The following DPP10 variants were observed in gnomAD, a reference collection of about 807,000 sequenced individuals.
DPP10 encodes the protein dipeptidyl peptidase like 10.
In DPP10, 33 loss-of-function variants were observed where a neutral mutation model predicts 120.9. The observed-to-expected ratio is 0.27, with a 90% CI of 0.21 to 0.37. DPP10 has a LOEUF of 0.37. DPP10 is among the 10% of genes least tolerant of loss of function. DPP10 has a pLI of 1.00. For synonymous variants in DPP10, 337 were observed against 326.1 expected (o/e 1.03, Z -0.36); for missense variants, 816 against 942.8 (o/e 0.87, Z 1.76).
At chr2:115,829,478 A>C (rs1029093769) in intron 21 of DPP10, among the ~76,000 whole-genome samples, 6 of 152,076 alleles carry the variant, frequency 3.9e-5, no homozygotes, top group African/African-American at 1.4e-4. Flanking sequence ...CTCTCTTTGA[A>C]AATATTCTTG....
At chr2:115,728,453 A>AC (rs2092820135) in intron 8 of DPP10, among the ~76,000 whole-genome samples, 1 of 152,166 alleles carries the variant, frequency 6.6e-6, no homozygotes, top group Admixed American at 6.5e-5. Flanking sequence ...AGCTGAGAAT[A>AC]TAAAAATAAA....
intron 3 of DPP10, among the ~76,000 whole-genome samples, chr2:115,490,390 C>A (rs2076040202): frequency 6.7e-6 from 1 of 149,744 alleles, no homozygotes; most frequent in Non-Finnish European, 1.5e-5. Context: ...GGGGAAACCA[C>A]CCCCATGATT....
chr2:115,680,834 G>T lies in DPP10; in HGVS notation c.442-8853G>T, dbSNP rs76829879. ...AAAGTTATAATCTGTCATATAAAAA[G>T]AGCTTTTAGAGATCAATAAGAAAAA... On this transcript the variant is annotated intron_variant, in intron 5 of 25. Transcript: ENST00000410059. Among the ~76,000 whole-genome samples, 182 of 151,834 alleles carry T rather than the reference G, an allele frequency of 1.2e-3. 2 individuals are homozygous for T. In the East Asian group the frequency reaches 0.033, roughly 27 times the overall value.
intron 3 of DPP10, chr2:115,469,066 C>T (rs987482733): frequency 5.6e-6 from 1 of 179,880 alleles, no homozygotes. Context: ...GCTGGGATTA[C>T]AGGCGTGCAC....
intron 1 of DPP10, among the ~76,000 whole-genome samples, chr2:115,246,610 G>A (rs763836463): frequency 4.6e-5 from 7 of 152,080 alleles, no homozygotes; most frequent in African/African-American, 1.2e-4. Flanking sequence ...AAACAGATGA[G>A]CAGTGTGTCA....
At chr2:114,462,238 T>G in intron 1 of DPP10, 1 of 709,746 alleles carries the variant, frequency 1.4e-6, no homozygotes, top group Non-Finnish European at 1.7e-6. Flanking sequence ...TATACCACCC[T>G]ATTGCTAATA....
intron 1 of DPP10, among the ~76,000 whole-genome samples, chr2:114,756,124 T>G (rs1679721579): frequency 6.6e-6 from 1 of 152,168 alleles, no homozygotes. Context: ...GAAATTAGTG[T>G]GAAGACTAAA....
chr2:115,163,991 G>A lies in DPP10; in HGVS notation c.61-145248G>A, dbSNP rs1406500224. Among the ~76,000 whole-genome samples, 6 of 152,202 alleles carry A rather than the reference G, an allele frequency of 3.9e-5. No individual in the cohort carries two copies. The South Asian group carries it at 1.0e-3, about 26-fold the overall frequency. ...GCTCGAATCCATTTTTCTTGTTAGT[G>A]TGCATTTTTTAATAGCCACTTCAAA... is the stretch of plus-strand genomic sequence containing the variant. On this transcript the variant is annotated intron_variant, in intron 1 of 25. Transcript: ENST00000410059.
intron 7 of DPP10, among the ~76,000 whole-genome samples, chr2:115,714,347 A>G (rs1289849728): frequency 6.6e-6 from 1 of 152,232 alleles, no homozygotes; most frequent in Non-Finnish European, 1.5e-5. Context: ...TTCCAGATCA[A>G]TTAAAAATAA....
At chr2:115,094,774 G>A (rs949619469) in intron 1 of DPP10, among the ~76,000 whole-genome samples, 3 of 152,086 alleles carry the variant, frequency 2.0e-5, no homozygotes, top group African/African-American at 7.2e-5. Context: ...AAAGAAATAA[G>A]CATACCAGAG....
At chr2:115,203,171 A>G (rs971599051) in intron 1 of DPP10, among the ~76,000 whole-genome samples, 3 of 152,172 alleles carry the variant, frequency 2.0e-5, no homozygotes, top group African/African-American at 7.2e-5. Context: ...AAAAATGACA[A>G]GAATTCAACT....
At chr2:114,655,600 T>A (rs1469638556) in intron 1 of DPP10, among the ~76,000 whole-genome samples, 1 of 152,166 alleles carries the variant, frequency 6.6e-6, no homozygotes, top group Non-Finnish European at 1.5e-5. Context: ...GTTCTTTTGT[T>A]TATTTTCTAT....
At chr2:114,678,495 C>G (rs72826516) in intron 1 of DPP10, among the ~76,000 whole-genome samples, 1,942 of 152,156 alleles carry the variant, frequency 0.013, 11 homozygotes, top group Middle Eastern at 0.031. Flanking sequence ...TTACCAAAGT[C>G]TGGACTCCGG....
chr2:115,733,196 C>T (rs939142284), intron 8 of DPP10, among the ~76,000 whole-genome samples: 6 of 152,076 alleles, frequency 3.9e-5, no homozygotes, highest in Non-Finnish European at 7.4e-5. Flanking sequence ...TGAAATAAAA[C>T]AGGGCAAAAT....
intron 1 of DPP10, among the ~76,000 whole-genome samples, chr2:114,895,794 G>A (rs989957206): frequency 3.3e-5 from 5 of 152,068 alleles, no homozygotes; most frequent in South Asian, 2.1e-4. Context: ...CCTTTCTCAC[G>A]TTTACTAACT....
chr2:114,573,906 A>T (rs1351554068), intron 1 of DPP10, among the ~76,000 whole-genome samples: 1 of 152,170 alleles, frequency 6.6e-6, no homozygotes, highest in Non-Finnish European at 1.5e-5. Context: ...GAAAACAGAT[A>T]ATCCTTTGCT....
At chr2:115,546,243 A>G (rs551170020) in intron 5 of DPP10, among the ~76,000 whole-genome samples, 33 of 152,256 alleles carry the variant, frequency 2.2e-4, no homozygotes, top group Admixed American at 8.5e-4. Flanking sequence ...GCCAGATGAA[A>G]TGTCTTTTGT....
chr2:114,757,481 C>A (rs930879141), intron 1 of DPP10, among the ~76,000 whole-genome samples: 9 of 151,906 alleles, frequency 5.9e-5, no homozygotes, highest in Non-Finnish European at 1.0e-4. Flanking sequence ...AGTTTGCATA[C>A]CAGGCTGTGC....
intron 1 of DPP10, among the ~76,000 whole-genome samples, chr2:114,922,164 A>C (rs995798994): frequency 3.3e-5 from 5 of 152,194 alleles, no homozygotes; most frequent in African/African-American, 1.2e-4. Flanking sequence ...GGTTTATAGA[A>C]TACTCTCAGA....
Sources: allele counts gnomAD v4.1 joint callset (sites outside exome capture counted in the v4.1 genomes callset), GRCh38; gene constraint gnomAD v4.1.1; transcripts MANE v1.5; gene names NCBI Gene and HGNC (gene_info 2026-07-23, HGNC 2026-07-21).